The following POF1B variants were observed in gnomAD, a reference collection of about 807,000 sequenced individuals.
The protein encoded by POF1B is POF1B actin binding protein.
In POF1B, 53 loss-of-function variants were observed where a neutral mutation model predicts 55.3. The ratio of observed to expected loss-of-function variants is 0.96; its 90% confidence interval spans 0.77 to 1.20. The LOEUF (loss-of-function observed/expected upper bound fraction) is 1.20. Ranked by LOEUF, POF1B falls within the 50% of genes most tolerant of loss-of-function variation. The pLI, the probability that POF1B is intolerant of heterozygous loss-of-function variation, is 0.00. For missense variants in POF1B, 478 were observed against 420.5 expected (o/e 1.14, Z -1.20); for synonymous variants, 188 against 148.3 (o/e 1.27, Z -1.95).
chrX:85,360,674 G>C (rs1933601288), intron 3 of POF1B, among the ~76,000 whole-genome samples: 1 of 106,314 alleles, frequency 9.4e-6, no homozygotes, highest in Admixed American at 1.0e-4. Context: ...CTTTATGGTA[G>C]AATGATTTAT....
chrX:85,293,833 G>C (rs1466817054), intron 15 of POF1B, among the ~76,000 whole-genome samples: 1 of 110,410 alleles, frequency 9.1e-6, no homozygotes, highest in Non-Finnish European at 1.9e-5. Flanking sequence ...AATTAGCCGG[G>C]AGTGGTGGTG....
At chrX:85,371,511 T>A (rs746283183) in intron 2 of POF1B, among the ~76,000 whole-genome samples, 2 of 111,328 alleles carry the variant, frequency 1.8e-5, no homozygotes, top group African/African-American at 6.5e-5. Context: ...AGATGGAGAT[T>A]ACACAGCTAA....
At chrX:85,343,127 G>A (rs1049875946) in intron 6 of POF1B, among the ~76,000 whole-genome samples, 17 of 109,786 alleles carry the variant, frequency 1.5e-4, no homozygotes, top group African/African-American at 5.6e-4. Context: ...ATCATGGCAC[G>A]TGTATACCTA....
intron 6 of POF1B, among the ~76,000 whole-genome samples, chrX:85,340,818 T>A (rs1933157621): frequency 9.0e-6 from 1 of 110,518 alleles, no homozygotes; most frequent in Non-Finnish European, 1.9e-5. Flanking sequence ...TGATAAGGGA[T>A]AATTGATCAA....
chrX:85,306,147 G>GTAA (rs1555980451), intron 12 of POF1B, 34 bp downstream of exon 12: 6 of 1,132,757 alleles, frequency 5.3e-6, no homozygotes, highest in Non-Finnish European at 6.0e-6. Flanking sequence ...TGTAACTAAG[G>GTAA]TAATACTGTA....
At chrX:85,350,190 C>T (rs1253908695) in intron 5 of POF1B, among the ~76,000 whole-genome samples, 1 of 108,495 alleles carries the variant, frequency 9.2e-6, no homozygotes, top group South Asian at 4.2e-4. Flanking sequence ...CCCGTCCCCC[C>T]ACCCCACAAC....
chrX:85,304,885 A>G (rs1270804881), intron 13 of POF1B, among the ~76,000 whole-genome samples: 3 of 111,742 alleles, frequency 2.7e-5, no homozygotes, highest in African/African-American at 9.7e-5. Flanking sequence ...CCATGAAATA[A>G]GCATTATTAT....
intron 6 of POF1B, among the ~76,000 whole-genome samples, chrX:85,338,595 G>C (rs1203893320): frequency 9.0e-6 from 1 of 111,721 alleles, no homozygotes; most frequent in African/African-American, 3.2e-5. Context: ...TGAGTATCAA[G>C]AATTTGCAAA....
chrX:85,285,292 C>T lies in POF1B; in HGVS notation c.1650-2975G>A, dbSNP rs367741750. On this transcript the variant is annotated intron_variant, in intron 15 of 16. Transcript: ENST00000262753. ...GAAATACCATTTGACCCAGCCATCC[C>T]ATTACTGGGTATATACCCAACGGAT... 1.4e-4 allele frequency among the ~76,000 whole-genome samples: 16 copies of T among 111,279 alleles called. No homozygotes were observed. In the East Asian group the frequency reaches 2.9e-3, roughly 20 times the overall value.
At chrX:85,312,446 G>T (rs1176508666) in intron 9 of POF1B, among the ~76,000 whole-genome samples, 2 of 111,478 alleles carry the variant, frequency 1.8e-5, no homozygotes, top group Non-Finnish European at 3.8e-5. Context: ...TTTCCCCATT[G>T]CTTGTTTTTG....
intron 9 of POF1B, among the ~76,000 whole-genome samples, chrX:85,314,007 T>C (rs1932760015): frequency 9.0e-6 from 1 of 110,804 alleles, no homozygotes; most frequent in South Asian, 3.8e-4. Flanking sequence ...TATTCTCTGA[T>C]GGTAGTTTGT....
intron 3 of POF1B, among the ~76,000 whole-genome samples, chrX:85,365,808 G>A (rs1211606028): frequency 9.0e-6 from 1 of 110,963 alleles, no homozygotes; most frequent in Non-Finnish European, 1.9e-5. Context: ...AGTGGTTGTG[G>A]CCAAAGGTCT....
At chrX:85,286,447 A>G (rs59145097) in intron 15 of POF1B, among the ~76,000 whole-genome samples, 23,921 of 110,967 alleles carry the variant, frequency 0.22, 2,459 homozygotes, top group African/African-American at 0.4. Context: ...AAATCTATCC[A>G]TATAGATATG....
At chrX:85,330,681 G>C in intron 7 of POF1B, among the ~76,000 whole-genome samples, 1 of 111,327 alleles carries the variant, frequency 9.0e-6, no homozygotes, top group Non-Finnish European at 1.9e-5. Context: ...CCTGGGGGGA[G>C]GGAGGAGGGA....
chrX:85,333,584 CCAA>C (rs765624673), intron 6 of POF1B, among the ~76,000 whole-genome samples: 1 of 110,503 alleles, frequency 9.0e-6, no homozygotes, highest in Non-Finnish European at 1.9e-5. Flanking sequence ...CTTAAAGCCT[CCAA>C]CAACAACAAC....
At chrX:85,342,566 A>G (rs747527295) in intron 6 of POF1B, among the ~76,000 whole-genome samples, 1 of 111,580 alleles carries the variant, frequency 9.0e-6, no homozygotes, top group East Asian at 2.9e-4. Context: ...AGATGTAGAA[A>G]CTGAGGTTCC....
intron 6 of POF1B, among the ~76,000 whole-genome samples, chrX:85,343,564 T>A (rs1212064338): frequency 3.6e-5 from 4 of 111,222 alleles, no homozygotes; most frequent in Non-Finnish European, 5.7e-5. Context: ...ATTTGCAAAG[T>A]TTTCTCCATT....
chrX:85,358,705 G>T (rs1322539980), intron 4 of POF1B, among the ~76,000 whole-genome samples: 2 of 110,679 alleles, frequency 1.8e-5, no homozygotes, highest in African/African-American at 6.5e-5. Context: ...ACAGGAAAAA[G>T]AAATAAAGAT....
intron 8 of POF1B, among the ~76,000 whole-genome samples, chrX:85,315,198 T>G (rs944567226): frequency 8.9e-6 from 1 of 111,887 alleles, no homozygotes; most frequent in Non-Finnish European, 1.9e-5. Flanking sequence ...ATTTGATTAT[T>G]CTATTAAAAG....
Sources: gnomAD v4.1 joint callset for allele counts (sites outside exome capture counted in the v4.1 genomes callset) on GRCh38, gnomAD v4.1.1 for gene constraint, MANE v1.5 for transcripts, NCBI Gene and HGNC (gene_info 2026-07-23, HGNC 2026-07-21) for gene names.